The following DGKH variants were observed in gnomAD, a reference collection of about 807,000 sequenced individuals.
The protein encoded by DGKH is DAG kinase eta.
A neutral mutation model predicts 159.3 loss-of-function variants in DGKH; 90 were observed. That is an observed-to-expected ratio of 0.57 (90% CI 0.48 to 0.67). DGKH has a LOEUF of 0.67. Ranked by LOEUF, DGKH falls within the 30% of genes least tolerant of loss-of-function variation. The probability of loss-of-function intolerance (pLI) is 0.00; values close to 1 mark genes in which losing one functional copy is unlikely to be tolerated. For missense variants in DGKH, 1,181 were observed against 1,506.1 expected, an observed-to-expected ratio of 0.78 and a Z score of 3.57; for synonymous variants, 536 against 553.8, an observed-to-expected ratio of 0.97 and a Z score of 0.45.
chr13:42,207,166 C>T (rs1329833919), intron 21 of DGKH, among the ~76,000 whole-genome samples: 13 of 77,548 alleles, frequency 1.7e-4, no homozygotes, highest in South Asian at 4.7e-4. Flanking sequence ...TCCTTCCTTC[C>T]TTCCTTCCTT....
At chr13:42,100,913 AGTTACAGTT>A (rs1954640194) in intron 1 of DGKH, among the ~76,000 whole-genome samples, 1 of 152,222 alleles carries the variant, frequency 6.6e-6, no homozygotes, top group Non-Finnish European at 1.5e-5. Flanking sequence ...TAGACTTACT[AGTTACAGTT>A]CTGCCACAAA....
intron 11 of DGKH, among the ~76,000 whole-genome samples, chr13:42,172,528 A>C (rs1956487903): frequency 6.6e-6 from 1 of 152,220 alleles, no homozygotes; most frequent in Admixed American, 6.5e-5. Flanking sequence ...CATAGGCTGA[A>C]TGATACACTA....
chr13:42,105,816 C>G (rs1384257845), intron 1 of DGKH, among the ~76,000 whole-genome samples: 1 of 152,162 alleles, frequency 6.6e-6, no homozygotes, highest in East Asian at 1.9e-4. Flanking sequence ...ATGGTTAGCT[C>G]CCTGCAAGCA....
chr13:42,192,467 G>C (rs1043015543), intron 16 of DGKH, among the ~76,000 whole-genome samples: 1 of 152,100 alleles, frequency 6.6e-6, no homozygotes, highest in African/African-American at 2.4e-5. Context: ...TTTATGGTTA[G>C]TTTAAGGAGC....
At position 42,171,686 on chromosome 13, in the gene DGKH, C is replaced by T. The variant is rs538081633; in HGVS notation, c.1368-2374C>T. On this transcript the variant is annotated intron_variant, in intron 11 of 29. Transcript: ENST00000337343. Reference sequence around the variant, plus strand: ...AATTGTTTTGTTTGCTTGCATCATACCTATTTTTTGCACTGGAATGTTAGC... The same window carrying T: ...AATTGTTTTGTTTGCTTGCATCATATCTATTTTTTGCACTGGAATGTTAGC... 7.2e-5 allele frequency among the ~76,000 whole-genome samples: 11 copies of T among 152,242 alleles called. 1 individual carries two copies. The South Asian group carries it at 2.3e-3, about 32-fold the overall frequency.
rs147057761 is a variant in DGKH, at chr13:42,210,754, G to A, written c.3003G>A (p.Glu1001=). The change falls in exon 24 of 30, where the codon GAG becomes GAA. Residue 1001 remains glutamate, a synonymous_variant. Coordinates refer to ENST00000337343, the MANE Select transcript of DGKH (RefSeq NM_178009.5). ...QMQLCSQAAE[E]LITRICDAAT... ...AGCTATGCTCCCAGGCTGCAGAGGA[G>A]CTCATTACTAGGTAGGGGGCTCTGC... 1.2e-6 allele frequency: 2 copies of A among 1,612,104 alleles called. No homozygotes were observed. Among genetic ancestry groups the A allele is most frequent in the Non-Finnish European group, 1.7e-6 (2 of 1,179,782 alleles).
upstream of DGKH, among the ~76,000 whole-genome samples, chr13:42,046,191 T>C (rs1464049528): frequency 6.6e-6 from 1 of 152,294 alleles, no homozygotes; most frequent in Non-Finnish European, 1.5e-5. Flanking sequence ...AATCACTAAG[T>C]AAGGAAAAGA....
chr13:42,072,601 G>C (rs1369640119), intron 1 of DGKH, among the ~76,000 whole-genome samples: 1 of 152,136 alleles, frequency 6.6e-6, no homozygotes, highest in African/African-American at 2.4e-5. Flanking sequence ...TGAGACAGTG[G>C]CTTCCCATTA....
At position 42,223,220 on chromosome 13, in the gene DGKH, G is replaced by A. The variant is rs139122410; in HGVS notation, c.3573+1826G>A. ...CTCTGCGGTTGTAGCTGTCAGCAGCGGCAAGTCCTTCAGACCGATGCCTCT... is the reference window on the plus strand; with the variant it reads ...CTCTGCGGTTGTAGCTGTCAGCAGCAGCAAGTCCTTCAGACCGATGCCTCT... On this transcript the variant is annotated intron_variant, in intron 29 of 29. Transcript: ENST00000337343. 1.7e-4 allele frequency among the ~76,000 whole-genome samples: 26 copies of A among 152,232 alleles called. No individual in the cohort carries two copies. The East Asian group carries it at 2.7e-3, about 16-fold the overall frequency.
intron 21 of DGKH, 122 bp downstream of exon 21, chr13:42,206,268 A>G: frequency 4.1e-6 from 2 of 490,200 alleles, no homozygotes; most frequent in Non-Finnish European, 6.6e-6. Flanking sequence ...TGCATTGGGT[A>G]AGTGAGGCAT....
intron 11 of DGKH, among the ~76,000 whole-genome samples, chr13:42,170,074 A>G (rs1460799043): frequency 6.6e-6 from 1 of 152,234 alleles, no homozygotes; most frequent in Non-Finnish European, 1.5e-5. Context: ...AAATAAATAA[A>G]ATCACCATTA....
At chr13:42,096,757 T>A (rs534385343) in intron 1 of DGKH, among the ~76,000 whole-genome samples, 53 of 152,322 alleles carry the variant, frequency 3.5e-4, no homozygotes, top group Admixed American at 9.1e-4. Flanking sequence ...GAGGACCCTT[T>A]CAAGATGGAG....
chr13:42,118,981 AGAACTTTACAAAAATCC>A (rs1322090759), intron 1 of DGKH, among the ~76,000 whole-genome samples: 2 of 152,248 alleles, frequency 1.3e-5, no homozygotes, highest in African/African-American at 4.8e-5. Context: ...TGCCTTAAAC[AGAACTTTACAAAAATCC>A]GAATACACCC....
chr13:42,133,530 C>T (rs1168359268), intron 3 of DGKH, among the ~76,000 whole-genome samples: 1 of 151,444 alleles, frequency 6.6e-6, no homozygotes, highest in East Asian at 2.0e-4. Flanking sequence ...CCCTTCTCTA[C>T]AAAAAAAATC....
chr13:42,254,367 C>T (rs186119754), intron 30 of DGKH, among the ~76,000 whole-genome samples: 1 of 152,158 alleles, frequency 6.6e-6, no homozygotes, highest in Non-Finnish European at 1.5e-5. Flanking sequence ...GTGGCTCATG[C>T]CTGTAATCCC....
intron 29 of DGKH, chr13:42,225,237 A>G (rs1421250299): frequency 6.4e-7 from 1 of 1,552,962 alleles, no homozygotes; most frequent in African/African-American, 1.4e-5. Flanking sequence ...AAGTATTTCC[A>G]ATGTGCTTTA....
At chr13:42,121,794 T>C (rs1282173228) in intron 1 of DGKH, among the ~76,000 whole-genome samples, 1 of 152,224 alleles carries the variant, frequency 6.6e-6, no homozygotes, top group Non-Finnish European at 1.5e-5. Context: ...AAAGATGTAC[T>C]CCTAGTTCTA....
chr13:42,085,478 G>T (rs980567100), intron 1 of DGKH, among the ~76,000 whole-genome samples: 1 of 152,112 alleles, frequency 6.6e-6, no homozygotes, highest in Middle Eastern at 3.2e-3. Context: ...TAATTTGAAG[G>T]TTCTGACCAT....
intron 25 of DGKH, among the ~76,000 whole-genome samples, chr13:42,215,279 G>T (rs1358583009): frequency 6.7e-6 from 1 of 150,134 alleles, no homozygotes; most frequent in African/African-American, 2.5e-5. Context: ...AGTTTTTTTT[G>T]ACTTAACTTT....
Sources: gnomAD v4.1 joint callset for allele counts (sites outside exome capture counted in the v4.1 genomes callset) on GRCh38, gnomAD v4.1.1 for gene constraint, MANE v1.5 for transcripts, NCBI Gene and HGNC (gene_info 2026-07-23, HGNC 2026-07-21) for gene names.